The following TMEM132D variants were observed in gnomAD, a reference collection of about 807,000 sequenced individuals.
The protein encoded by TMEM132D is mature OL transmembrane protein.
TMEM132D carries 21 observed loss-of-function variants against 62.3 expected under a neutral mutation model. That is an observed-to-expected ratio of 0.34 (90% CI 0.24 to 0.49). The LOEUF (loss-of-function observed/expected upper bound fraction) is 0.49, where lower values mean the gene tolerates loss of function less well. Among genes scored for constraint, TMEM132D ranks in the 20% least tolerant of loss-of-function variants. The probability of loss-of-function intolerance (pLI) is 0.99; values close to 1 mark genes in which losing one functional copy is unlikely to be tolerated. For missense variants in TMEM132D, 1,346 were observed against 1,402.8 expected, an observed-to-expected ratio of 0.96 and a Z score of 0.65; for synonymous variants, 621 against 575.6, an observed-to-expected ratio of 1.08 and a Z score of -1.13.
At chr12:129,341,564 G>C (rs1410603247) in intron 3 of TMEM132D, among the ~76,000 whole-genome samples, 2 of 152,186 alleles carry the variant, frequency 1.3e-5, no homozygotes, top group Non-Finnish European at 2.9e-5. Flanking sequence ...TTCCCAGAAA[G>C]TTAGGCATTC....
intron 1 of TMEM132D, 114 bp from the exon 2 acceptor site, chr12:129,700,812 T>C (rs1247361132): frequency 4.1e-6 from 5 of 1,218,152 alleles, no homozygotes; most frequent in East Asian, 2.5e-5. Context: ...GCGCCAATTA[T>C]GCAATTCCTT....
At chr12:129,542,416 T>A (rs1876607745) in intron 2 of TMEM132D, among the ~76,000 whole-genome samples, 2 of 152,206 alleles carry the variant, frequency 1.3e-5, no homozygotes, top group South Asian at 4.1e-4. Context: ...GAACTATGGT[T>A]AATAAACGTA....
intron 2 of TMEM132D, among the ~76,000 whole-genome samples, chr12:129,685,967 G>A (rs1350056109): frequency 6.6e-6 from 1 of 152,146 alleles, no homozygotes; most frequent in Non-Finnish European, 1.5e-5. Flanking sequence ...TTTGGAACAG[G>A]TGTATTTATC....
At chr12:129,526,209 T>A (rs1033496073) in intron 3 of TMEM132D, among the ~76,000 whole-genome samples, 3 of 152,182 alleles carry the variant, frequency 2.0e-5, no homozygotes, top group African/African-American at 7.2e-5. Context: ...CCTATGGAAA[T>A]CCCACATGTG....
intron 1 of TMEM132D, chr12:129,854,415 TGCTCACGAGTGGGATGTCAA>T (rs1354653947): frequency 1.3e-5 from 2 of 152,314 alleles, no homozygotes; most frequent in Admixed American, 1.3e-4. Flanking sequence ...ACACAGTCAA[TGCTCACGAGTGGGATGTCAA>T]GCTCTGATCG....
intron 4 of TMEM132D, among the ~76,000 whole-genome samples, chr12:129,319,707 T>C (rs1868617574): frequency 6.6e-6 from 1 of 152,074 alleles, no homozygotes; most frequent in African/African-American, 2.4e-5. Context: ...AAAGAGAAGC[T>C]CATGAGGTTG....
chr12:129,215,364 A>G (rs1258099089), intron 4 of TMEM132D, among the ~76,000 whole-genome samples: 2 of 152,196 alleles, frequency 1.3e-5, no homozygotes, highest in African/African-American at 4.8e-5. Flanking sequence ...AGATCAGGAA[A>G]AACAACCAAT....
chr12:129,186,096 T>C lies in TMEM132D; in HGVS notation c.1443+23424A>G, dbSNP rs191365385. ...AGATGTTTGGATTCTGCCAGACCCT[T>C]CCATTAGGAGCCTCTGACTGTTCCG... On this transcript the variant is annotated intron_variant, in intron 5 of 8. Transcript: ENST00000422113. Among the ~76,000 whole-genome samples the C allele has an allele frequency of 2.0e-3, 309 of 152,172 alleles. 2 individuals are homozygous for C. The highest frequency in any genetic ancestry group is 7.2e-3 in the African/African-American group (299 of 41,526).
chr12:129,682,014 G>C (rs1421144272), intron 2 of TMEM132D, among the ~76,000 whole-genome samples: 1 of 152,234 alleles, frequency 6.6e-6, no homozygotes, highest in Non-Finnish European at 1.5e-5. Flanking sequence ...TCTTGCACTA[G>C]AATGTGCTGA....
intron 4 of TMEM132D, among the ~76,000 whole-genome samples, chr12:129,286,685 G>A (rs552854936): frequency 6.6e-6 from 1 of 152,312 alleles, no homozygotes; most frequent in Non-Finnish European, 1.5e-5. Flanking sequence ...TTTCTGTTCA[G>A]AATCCATTAA....
chr12:129,488,855 C>A (rs911135802), intron 3 of TMEM132D, among the ~76,000 whole-genome samples: 6 of 151,504 alleles, frequency 4.0e-5, no homozygotes, highest in African/African-American at 9.7e-5. Flanking sequence ...ACAATAAATT[C>A]TCTTCTCCCC....
chr12:129,764,204 T>C (rs1338455534), intron 1 of TMEM132D, among the ~76,000 whole-genome samples: 2 of 152,244 alleles, frequency 1.3e-5, no homozygotes, highest in Non-Finnish European at 1.5e-5. Flanking sequence ...AATGTCATCA[T>C]ATTAATTTTT....
intron 4 of TMEM132D, among the ~76,000 whole-genome samples, chr12:129,267,582 A>C (rs1229626987): frequency 1.3e-5 from 2 of 152,238 alleles, no homozygotes; most frequent in African/African-American, 4.8e-5. Flanking sequence ...AGTAAGAATC[A>C]ATATAGTGAA....
At chr12:129,144,925 T>TCTATCTATCTATCTATCTAC (rs1555232599) in intron 5 of TMEM132D, among the ~76,000 whole-genome samples, 21 of 147,544 alleles carry the variant, frequency 1.4e-4, no homozygotes, top group African/African-American at 5.2e-4. Flanking sequence ...TATCTATCTA[T>TCTATCTATCTATCTATCTAC]CTACCTATCA....
chr12:129,327,675 A>G (rs1462837781), intron 4 of TMEM132D, among the ~76,000 whole-genome samples: 1 of 152,162 alleles, frequency 6.6e-6, no homozygotes, highest in Non-Finnish European at 1.5e-5. Flanking sequence ...GACACCTTCC[A>G]CTTATCTTCA....
chr12:129,665,410 G>A (rs1373667571), intron 2 of TMEM132D, among the ~76,000 whole-genome samples: 1 of 152,130 alleles, frequency 6.6e-6, no homozygotes, highest in African/African-American at 2.4e-5. Flanking sequence ...ATAAATGTGG[G>A]AGAATAGCAG....
intron 5 of TMEM132D, among the ~76,000 whole-genome samples, chr12:129,166,762 C>T (rs112980658): frequency 5.1e-5 from 1 of 19,688 alleles, no homozygotes; most frequent in African/African-American, 1.1e-4. Context: ...TACACACACA[C>T]ATATATATAT....
chr12:129,888,254 ACATTT>A (rs778047070), intron 1 of TMEM132D, among the ~76,000 whole-genome samples: 4 of 152,258 alleles, frequency 2.6e-5, no homozygotes, highest in Non-Finnish European at 4.4e-5. Context: ...ACAAAAGCTT[ACATTT>A]CATTTACACA....
At chr12:129,438,913 T>C (rs1002178668) in intron 3 of TMEM132D, among the ~76,000 whole-genome samples, 1 of 152,242 alleles carries the variant, frequency 6.6e-6, no homozygotes, top group African/African-American at 2.4e-5. Context: ...ATCAGTTCCA[T>C]GTACAATAGG....
Sources: gnomAD v4.1 joint callset for allele counts (sites outside exome capture counted in the v4.1 genomes callset) on GRCh38, gnomAD v4.1.1 for gene constraint, MANE v1.5 for transcripts, NCBI Gene and HGNC (gene_info 2026-07-23, HGNC 2026-07-21) for gene names.